Variants in TNFRSF1B observed in about 807,000 individuals in gnomAD.
TNFRSF1B encodes the protein TNF receptor superfamily member 1B, also known as tumor necrosis factor receptor superfamily member 1B.
In TNFRSF1B, 19 loss-of-function variants were observed where a neutral mutation model predicts 44.6. That is an observed-to-expected ratio of 0.43 (90% CI 0.30 to 0.62). TNFRSF1B has a LOEUF of 0.62. Ranked by LOEUF, TNFRSF1B falls within the 20% of genes least tolerant of loss-of-function variation. The pLI, the probability that TNFRSF1B is intolerant of heterozygous loss-of-function variation, is 0.16. For synonymous variants in TNFRSF1B, 252 were observed against 261.1 expected (o/e 0.97, Z 0.34); for missense variants, 541 against 619.9 (o/e 0.87, Z 1.35).
At position 12,200,497 on chromosome 1, in the gene TNFRSF1B, C is replaced by G. The variant is rs191658776; in HGVS notation, c.901-1470C>G. Among the ~76,000 whole-genome samples the G allele has an allele frequency of 1.3e-3, 197 of 152,260 alleles. 2 individuals are homozygous for G. The highest frequency in any genetic ancestry group is 1.5e-3 in the Non-Finnish European group (105 of 68,030). ...TGGTCTCAGTGACAGCTACTCAAAC[C>G]TGCCTCTGTAGCAAGAAAGCAGCTA... On this transcript the variant is annotated intron_variant, in intron 8 of 9. Transcript: ENST00000376259.
Position 12,187,236 on chromosome 1 carries a change from C to G in TNFRSF1B, c.79-1560C>G, listed in dbSNP as rs1639007573. On this transcript the variant is annotated intron_variant, in intron 1 of 9. Transcript: ENST00000376259. This position sits in a 1 kb window ranked among gnomAD's most constrained non-coding sequence, Gnocchi z 5.5. ...TGGCATGATCTCAGCTCACTGCAAC[C>G]TCCTCCTCCCAGGTTCAGGGGATTC... Among the ~76,000 whole-genome samples, 1 of 151,876 alleles carries G rather than the reference C, an allele frequency of 6.6e-6. No individual in the cohort carries two copies. Among genetic ancestry groups the G allele is most frequent in the African/African-American group, 2.4e-5 (1 of 41,298 alleles).
At chr1:12,200,113 G>T (rs570664715) in intron 8 of TNFRSF1B, among the ~76,000 whole-genome samples, 1 of 152,208 alleles carries the variant, frequency 6.6e-6, no homozygotes, top group African/African-American at 2.4e-5. Context: ...TGTCCTAACC[G>T]TGACCTTGGG....
chr1:12,188,987 T>TA, intron 2 of TNFRSF1B, 92 bp downstream of exon 2: 2 of 1,117,708 alleles, frequency 1.8e-6, no homozygotes, highest in Non-Finnish European at 2.6e-6. Context: ...CCTTGATTCT[T>TA]ACTGAACTCC....
In TNFRSF1B at chr1:12,178,470, G is replaced by A. The variant is rs1174683007; in HGVS notation, c.79-10326G>A. Among the ~76,000 whole-genome samples, 2 of 152,210 alleles carry A rather than the reference G, an allele frequency of 1.3e-5. No individual in the cohort carries two copies. Among genetic ancestry groups the A allele is most frequent in the East Asian group, 3.8e-4 (2 of 5,200 alleles). ...TGGCAGAACTGGGATCAAAGCCCAC[G>A]TGTCTGTGTCTGGCTCAGCGCCCAT... On this transcript the variant is annotated intron_variant, in intron 1 of 9. Coordinates refer to ENST00000376259, the MANE Select transcript of TNFRSF1B (RefSeq NM_001066.3). This position sits in a 1 kb window ranked among gnomAD's most constrained non-coding sequence, Gnocchi z 4.3.
intron 9 of TNFRSF1B, among the ~76,000 whole-genome samples, chr1:12,204,846 A>C (rs1341666108): frequency 6.6e-6 from 1 of 152,132 alleles, no homozygotes; most frequent in Admixed American, 6.6e-5. Flanking sequence ...TGTCCCTGTT[A>C]CAGGCACTAG....
intron 9 of TNFRSF1B, among the ~76,000 whole-genome samples, chr1:12,203,370 G>A (rs993583115): frequency 1.3e-5 from 2 of 152,126 alleles, no homozygotes; most frequent in African/African-American, 4.8e-5. Context: ...GATGGCTGCA[G>A]CCCCCACCAC....
intron 2 of TNFRSF1B, among the ~76,000 whole-genome samples, chr1:12,190,515 G>A (rs141330724): frequency 6.8e-6 from 1 of 147,558 alleles, no homozygotes; most frequent in East Asian, 2.0e-4. Context: ...TAAGGTTTCC[G>A]TTGGTGTTCT....
rs2101099854 is a variant in TNFRSF1B at position 12,187,485 on chromosome 1, C to T, written c.79-1311C>T. Among the ~76,000 whole-genome samples, 1 of 152,316 alleles carries T rather than the reference C, an allele frequency of 6.6e-6. No homozygotes were observed. Among genetic ancestry groups the T allele is most frequent in the South Asian group, 2.1e-4 (1 of 4,830 alleles). On this transcript the variant is annotated intron_variant, in intron 1 of 9. Coordinates refer to ENST00000376259, the MANE Select transcript of TNFRSF1B (RefSeq NM_001066.3). This position sits in a 1 kb window ranked among gnomAD's most constrained non-coding sequence, Gnocchi z 5.5. ...TCTTTTCATTCATCACATTGTTCATCTCTTCCCGGAGGCATCCAGCACAGT... is the reference window on the plus strand; with the variant it reads ...TCTTTTCATTCATCACATTGTTCATTTCTTCCCGGAGGCATCCAGCACAGT...
intron 2 of TNFRSF1B, among the ~76,000 whole-genome samples, chr1:12,189,305 TG>T (rs1639058782): frequency 6.6e-6 from 1 of 152,222 alleles, no homozygotes; most frequent in South Asian, 2.1e-4. Context: ...GATGTTCCCA[TG>T]GAAGCTCTTT....
chr1:12,178,340 G>C lies in TNFRSF1B; in HGVS notation c.79-10456G>C, dbSNP rs982636181. 6.6e-6 allele frequency among the ~76,000 whole-genome samples: 1 copy of C among 152,176 alleles called. No homozygotes were observed. The highest frequency in any genetic ancestry group is 2.4e-5 in the African/African-American group (1 of 41,432). On this transcript the variant is annotated intron_variant, in intron 1 of 9. Transcript: ENST00000376259. This position sits in a 1 kb window ranked among gnomAD's most constrained non-coding sequence, Gnocchi z 4.3. ...CTGAGCTCTTTCCACTGCCGGGCAC[G>C]GTGCCAAGCACGCCACGTATACTGA...
chr1:12,197,847 C>T (rs887779587), intron 8 of TNFRSF1B, among the ~76,000 whole-genome samples: 3 of 152,116 alleles, frequency 2.0e-5, no homozygotes, highest in Non-Finnish European at 4.4e-5. Context: ...AACATGTGGC[C>T]GGGCGCCATG....
rs1255818296 is a variant in TNFRSF1B at position 12,186,122 on chromosome 1, A to G, written c.79-2674A>G. On this transcript the variant is annotated intron_variant, in intron 1 of 9. Transcript: ENST00000376259. The surrounding 1 kb of genome is among the most constrained non-coding windows in gnomAD (Gnocchi z 4.8). The stretch of plus-strand genomic sequence containing the variant: ...GAGTGGCAGATTGCTCCATGGCAGG[A>G]AGCCCCAGCTCCTCTGGGTCGTTCC... Among the ~76,000 whole-genome samples the G allele has an allele frequency of 6.6e-6, 1 of 152,160 alleles. No individual in the cohort carries two copies. The highest frequency in any genetic ancestry group is 1.9e-4 in the East Asian group (1 of 5,198).
In TNFRSF1B at chr1:12,190,990, C is replaced by T. The variant is rs776727613; in HGVS notation, c.212C>T (p.Ser71Leu). 5.2e-5 allele frequency: 84 copies of T among 1,614,172 alleles called. No individual in the cohort carries two copies. The highest frequency in any genetic ancestry group is 1.8e-4 in the Admixed American group (11 of 60,020). Residue 71 changes from serine (S) to leucine (L), a missense_variant, in exon 3 of 10, where the codon TCG becomes TTG. Ser to Leu is a moderately radical substitution (Grantham distance 145). Transcript: ENST00000376259. ...GCAAAAGTCTTCTGTACCAAGACCTCGGACACCGTGTGTGACTCCTGTGAG... is the reference window on the plus strand; with the variant it reads ...GCAAAAGTCTTCTGTACCAAGACCTTGGACACCGTGTGTGACTCCTGTGAG... Reference protein sequence around the residue: ...QHAKVFCTKTSDTVCDSCEDS... With the variant: ...QHAKVFCTKTLDTVCDSCEDS...
chr1:12,206,633 G>A, intron 9 of TNFRSF1B, 107 bp from the exon 10 acceptor site: 1 of 1,271,702 alleles, frequency 7.9e-7, no homozygotes, highest in Non-Finnish European at 1.1e-6. Context: ...CTCGGCTCCT[G>A]GCCCAGTGCT....
At chr1:12,196,580 C>T (rs1639269456) in intron 8 of TNFRSF1B, among the ~76,000 whole-genome samples, 2 of 152,226 alleles carry the variant, frequency 1.3e-5, no homozygotes, top group African/African-American at 4.8e-5. Flanking sequence ...AGATTGATTT[C>T]ATCCCCTGAT....
At chr1:12,170,464 C>CG (rs1638496298) in intron 1 of TNFRSF1B, among the ~76,000 whole-genome samples, 1 of 152,240 alleles carries the variant, frequency 6.6e-6, no homozygotes, top group Admixed American at 6.5e-5. Flanking sequence ...GGCATTCTTA[C>CG]GTCAGAGGTG....
chr1:12,204,863 A>G (rs1196477086), intron 9 of TNFRSF1B, among the ~76,000 whole-genome samples: 7 of 152,192 alleles, frequency 4.6e-5, no homozygotes, highest in Admixed American at 1.3e-4. Flanking sequence ...CTAGGAACAC[A>G]GCAGGGAACA....
chr1:12,205,191 G>A (rs1276233583), intron 9 of TNFRSF1B, among the ~76,000 whole-genome samples: 1 of 152,028 alleles, frequency 6.6e-6, no homozygotes, highest in Non-Finnish European at 1.5e-5. Flanking sequence ...AGGGCGCTTC[G>A]TGGAGGAGGT....
In TNFRSF1B at chr1:12,168,154, G is replaced by C. The variant is rs1638437269; in HGVS notation, c.78+985G>C. 1.3e-5 allele frequency among the ~76,000 whole-genome samples: 2 copies of C among 152,218 alleles called. No individual in the cohort carries two copies. Among genetic ancestry groups the C allele is most frequent in the Admixed American group, 1.3e-4 (2 of 15,286 alleles). ...TCCAAAGGGGGCCTCTCCTGCCTTC[G>C]GCCCCTGTGCCCTGAGGCTGCGGGG... On this transcript the variant is annotated intron_variant, in intron 1 of 9. Coordinates refer to ENST00000376259, the MANE Select transcript of TNFRSF1B (RefSeq NM_001066.3). This position sits in a 1 kb window ranked among gnomAD's most constrained non-coding sequence, Gnocchi z 4.7.
Sources: allele counts gnomAD v4.1 joint callset (sites outside exome capture counted in the v4.1 genomes callset), GRCh38; gene constraint gnomAD v4.1.1; non-coding constraint Gnocchi (gnomAD v3.1); transcripts MANE v1.5; gene names NCBI Gene and HGNC (gene_info 2026-07-23, HGNC 2026-07-21).